Variants in ROCK1 observed in about 807,000 individuals in gnomAD.
The protein encoded by ROCK1 is rho-associated protein kinase 1.
Under a neutral mutation model 196.8 loss-of-function variants are expected in ROCK1, and 36 were observed. That is an observed-to-expected ratio of 0.18 (90% CI 0.14 to 0.24). ROCK1 has a LOEUF of 0.24. Ranked by LOEUF, ROCK1 falls within the 10% of genes least tolerant of loss-of-function variation. ROCK1 has a pLI of 1.00. For synonymous variants in ROCK1, 443 were observed against 515.9 expected (o/e 0.86, Z 1.91); for missense variants, 920 against 1,562.0 (o/e 0.59, Z 6.93).
intron 27 of ROCK1, among the ~76,000 whole-genome samples, chr18:20,965,883 G>C (rs1323856967): frequency 6.6e-6 from 1 of 152,132 alleles, no homozygotes; most frequent in African/African-American, 2.4e-5. Context: ...ATAGCATACA[G>C]AGAGGAGCTG....
chr18:21,007,933 G>A (rs2035782059), intron 14 of ROCK1, 126 bp downstream of exon 14: 1 of 448,964 alleles, frequency 2.2e-6, no homozygotes, highest in Non-Finnish European at 3.6e-6. Flanking sequence ...CCTGAGACCT[G>A]GGTTATTTAG....
At position 20,979,013 on chromosome 18, in the gene ROCK1, A is replaced by G. The variant is rs185956537; in HGVS notation, c.2654+897T>C. On this transcript the variant is annotated intron_variant, in intron 22 of 32. Coordinates refer to ENST00000399799, the MANE Select transcript of ROCK1 (RefSeq NM_005406.3). The stretch of plus-strand genomic sequence containing the variant: ...GTGTCTGTTCTGACATTACCTAGCT[A>G]TGAGATACTCCGCAGGAGTTACTAT... Among the ~76,000 whole-genome samples the G allele has an allele frequency of 8.5e-5, 13 of 152,346 alleles. No individual in the cohort carries two copies. In the East Asian group the frequency reaches 2.5e-3, roughly 29 times the overall value.
Position 20,948,460 on chromosome 18 carries a change from GTTCT to G in ROCK1, c.*2920_*2923del, listed in dbSNP as rs2035150649. 6.6e-6 allele frequency: 1 copy of G among 150,788 alleles called. No individual in the cohort carries two copies. Among genetic ancestry groups the G allele is most frequent in the Non-Finnish European group, 1.5e-5 (1 of 68,034 alleles). The allele number at this position is 150,788 out of a possible 1,614,324, so 9.3% of individuals were successfully genotyped here. On this transcript the variant is annotated 3_prime_UTR_variant, in exon 33 of 33. Transcript: ENST00000399799. ...AAGTAACTATGAGTTTGTCATTTAA[GTTCT>G]TTTACTTATTTTTTTTACTTTAAAT...
At chr18:21,097,196 C>T (rs933102722) in intron 1 of ROCK1, among the ~76,000 whole-genome samples, 13 of 152,018 alleles carry the variant, frequency 8.6e-5, no homozygotes, top group Non-Finnish European at 8.8e-5. Context: ...CAAAAAGCAC[C>T]AAAGTTAAGA....
intron 21 of ROCK1, among the ~76,000 whole-genome samples, chr18:20,981,328 A>G (rs1283714959): frequency 6.6e-6 from 1 of 152,072 alleles, no homozygotes. Flanking sequence ...CGGGAGGCAG[A>G]GCTTGCAGTG....
At chr18:21,027,982 C>T (rs1292934529) in intron 10 of ROCK1, among the ~76,000 whole-genome samples, 4 of 144,040 alleles carry the variant, frequency 2.8e-5, no homozygotes, top group East Asian at 2.1e-4. Flanking sequence ...AGGATGGTCT[C>T]GATCTCCTGA....
At chr18:20,998,437 T>C (rs1216112974) in intron 16 of ROCK1, among the ~76,000 whole-genome samples, 1 of 151,564 alleles carries the variant, frequency 6.6e-6, no homozygotes, top group Non-Finnish European at 1.5e-5. Context: ...AGAAAATAAA[T>C]AATAAAGATC....
At chr18:21,068,718 T>C (rs1412855086) in intron 2 of ROCK1, among the ~76,000 whole-genome samples, 1 of 152,206 alleles carries the variant, frequency 6.6e-6, no homozygotes, top group Non-Finnish European at 1.5e-5. Flanking sequence ...ATGTTTTTGC[T>C]TCTATTGTAA....
intron 1 of ROCK1, among the ~76,000 whole-genome samples, chr18:21,074,602 T>C (rs868679216): frequency 2.0e-5 from 3 of 152,358 alleles, no homozygotes; most frequent in Middle Eastern, 3.4e-3. Context: ...TGTCCCTTAC[T>C]TTGTGCTGCC....
At chr18:20,988,118 T>C (rs1446161656) in intron 18 of ROCK1, among the ~76,000 whole-genome samples, 2 of 152,086 alleles carry the variant, frequency 1.3e-5, no homozygotes, top group Non-Finnish European at 2.9e-5. Flanking sequence ...CAGGATGGAA[T>C]ACAGTGGTGC....
intron 16 of ROCK1, among the ~76,000 whole-genome samples, chr18:21,003,112 G>A (rs1253284764): frequency 1.3e-5 from 2 of 152,130 alleles, no homozygotes; most frequent in South Asian, 2.1e-4. Context: ...TCCTACCGAA[G>A]TAGATCACAT....
intron 16 of ROCK1, among the ~76,000 whole-genome samples, chr18:21,005,014 T>C (rs571204659): frequency 1.3e-5 from 2 of 152,300 alleles, no homozygotes; most frequent in East Asian, 1.9e-4. Flanking sequence ...CCTGAAACTA[T>C]GTTCCCATCT....
intron 2 of ROCK1, among the ~76,000 whole-genome samples, chr18:21,065,361 G>T (rs975069848): frequency 6.8e-6 from 1 of 146,610 alleles, no homozygotes; most frequent in Non-Finnish European, 1.5e-5. Context: ...TATCAGTTCT[G>T]TTTTTTTTTT....
chr18:21,045,494 A>C, intron 4 of ROCK1, 27 bp from the exon 5 acceptor site: 1 of 1,519,050 alleles, frequency 6.6e-7, no homozygotes, highest in Non-Finnish European at 8.8e-7. Context: ...AACAAACAAA[A>C]CACATTCATT....
At chr18:21,032,512 T>TG (rs200899405) in intron 9 of ROCK1, among the ~76,000 whole-genome samples, 7 of 150,598 alleles carry the variant, frequency 4.6e-5, no homozygotes, top group African/African-American at 1.7e-4. Context: ...GAAAGTTTTT[T>TG]TTTTTTTTTT....
At chr18:21,092,565 G>A (rs1480488555) in intron 1 of ROCK1, among the ~76,000 whole-genome samples, 2 of 113,034 alleles carry the variant, frequency 1.8e-5, no homozygotes, top group African/African-American at 3.8e-5. Context: ...GCCTGGGTAA[G>A]CAAGACCTCA....
rs1471071233 is a variant in ROCK1, at chr18:20,950,632, T to C, written c.*752A>G. The C allele has an allele frequency of 6.6e-6, 1 of 152,258 alleles. No individual in the cohort carries two copies. The allele number at this position is 152,258 out of a possible 1,614,324, so 9.4% of individuals were successfully genotyped here. Reference sequence around the variant, plus strand: ...ACAAAATGCTTTTAAACTTGGTTCTTTTGTACAGTTAGTTTCCTAATGTCT... The same window carrying C: ...ACAAAATGCTTTTAAACTTGGTTCTCTTGTACAGTTAGTTTCCTAATGTCT... On this transcript the variant is annotated 3_prime_UTR_variant, in exon 33 of 33. Transcript: ENST00000399799.
chr18:21,049,833 C>G lies in ROCK1; in HGVS notation c.223G>C (p.Asp75His). The G allele has an allele frequency of 6.2e-7, 1 of 1,608,356 alleles. No homozygotes were observed. The highest frequency in any genetic ancestry group is 8.5e-7 in the Non-Finnish European group (1 of 1,177,194). The stretch of plus-strand genomic sequence containing the variant: ...CCAATCACCTTCACTACTTCATAAT[C>G]TTCAGCTTTCATTCGTAAATCTCTG... ...KIRDLRMKAEDYEVVKVIGRG... is the reference protein window; with the variant it reads ...KIRDLRMKAEHYEVVKVIGRG... Residue 75 changes from aspartate (D) to histidine (H), a missense_variant, in exon 3 of 33, where the codon GAT (aspartate) becomes CAT (histidine). This residue lies in a region of ROCK1 where 234 missense variants were observed against 460.7 expected (regional missense o/e 0.51). Coordinates refer to ENST00000399799, the MANE Select transcript of ROCK1 (RefSeq NM_005406.3).
At chr18:21,042,424 T>C in intron 7 of ROCK1, 141 bp downstream of exon 7, 2 of 1,061,468 alleles carry the variant, frequency 1.9e-6, no homozygotes, top group South Asian at 1.8e-5. Context: ...TAAAAACACA[T>C]ACGAAGCAGG....
Sources: allele counts gnomAD v4.1 joint callset (sites outside exome capture counted in the v4.1 genomes callset), GRCh38; gene constraint gnomAD v4.1.1; regional missense constraint gnomAD v4.1.1; transcripts MANE v1.5; gene names NCBI Gene and HGNC (gene_info 2026-07-23, HGNC 2026-07-21).